Variants in CTNND2 observed in about 807,000 individuals in gnomAD.
CTNND2 encodes the protein catenin delta-2.
Under a neutral mutation model 144.4 loss-of-function variants are expected in CTNND2, and 22 were observed. That is an observed-to-expected ratio of 0.15 (90% CI 0.11 to 0.22). The LOEUF is 0.22. Among genes scored for constraint, CTNND2 ranks in the 10% least tolerant of loss-of-function variants. The pLI, the probability that CTNND2 is intolerant of heterozygous loss-of-function variation, is 1.00. For missense variants in CTNND2, 1,353 were observed against 1,618.8 expected (o/e 0.84, Z 2.82); for synonymous variants, 751 against 695.6 (o/e 1.08, Z -1.25).
intron 7 of CTNND2, among the ~76,000 whole-genome samples, chr5:11,380,564 A>G (rs1315592364): frequency 1.3e-5 from 2 of 152,232 alleles, no homozygotes; most frequent in African/African-American, 2.4e-5. Flanking sequence ...GATAAAAAGC[A>G]GATATGATTT....
At position 11,842,348 on chromosome 5, in the gene CTNND2, T is replaced by C. The variant is rs147934273; in HGVS notation, c.37+61469A>G. On this transcript the variant is annotated intron_variant, in intron 1 of 21. Transcript: ENST00000304623. Reference sequence around the variant, plus strand: ...GTACCAGTAACACAAGCAAATTCTATACTATGGTTTAGAAAACCAAAGTGC... The same window carrying C: ...GTACCAGTAACACAAGCAAATTCTACACTATGGTTTAGAAAACCAAAGTGC... Among the ~76,000 whole-genome samples the C allele has an allele frequency of 3.5e-3, 535 of 152,262 alleles. 1 individual carries two copies. Among genetic ancestry groups the C allele is most frequent in the Middle Eastern group, 6.8e-3 (2 of 294 alleles).
At chr5:11,736,577 A>C (rs1034412896) in intron 1 of CTNND2, among the ~76,000 whole-genome samples, 5 of 152,280 alleles carry the variant, frequency 3.3e-5, no homozygotes, top group Admixed American at 3.3e-4. Flanking sequence ...GGAAACCACA[A>C]AAGACCTGCC....
intron 19 of CTNND2, among the ~76,000 whole-genome samples, chr5:10,990,637 C>A (rs2149497611): frequency 6.6e-6 from 1 of 152,266 alleles, no homozygotes; most frequent in Admixed American, 6.5e-5. Context: ...CAATATTGCC[C>A]AGATGGTGGT....
intron 9 of CTNND2, among the ~76,000 whole-genome samples, chr5:11,282,708 A>C (rs1460357673): frequency 2.0e-5 from 3 of 152,228 alleles, no homozygotes; most frequent in Non-Finnish European, 2.9e-5. Flanking sequence ...GTGGGCTTTC[A>C]TATGTAAACT....
intron 10 of CTNND2, among the ~76,000 whole-genome samples, chr5:11,229,466 C>T (rs145283720): frequency 4.6e-5 from 7 of 152,100 alleles, no homozygotes; most frequent in East Asian, 1.9e-4. Context: ...GGCTACAGCA[C>T]GCTATGATTG....
intron 8 of CTNND2, among the ~76,000 whole-genome samples, chr5:11,361,113 T>C (rs536002749): frequency 6.6e-6 from 1 of 152,254 alleles, no homozygotes; most frequent in Non-Finnish European, 1.5e-5. Context: ...CTCCATCTCC[T>C]GGCTTCAAGT....
chr5:11,901,359 A>C (rs970024579), intron 1 of CTNND2, among the ~76,000 whole-genome samples: 1 of 152,220 alleles, frequency 6.6e-6, no homozygotes, highest in Non-Finnish European at 1.5e-5. Flanking sequence ...CTTCATTTTT[A>C]ATTTTAGAAA....
chr5:11,720,043 T>C (rs1561729143), intron 2 of CTNND2, among the ~76,000 whole-genome samples: 1 of 152,154 alleles, frequency 6.6e-6, no homozygotes, highest in Non-Finnish European at 1.5e-5. Flanking sequence ...TCTCAGCACA[T>C]TTACTGACAA....
intron 16 of CTNND2, among the ~76,000 whole-genome samples, chr5:11,058,056 T>A (rs112714431): frequency 0.2 from 29,693 of 152,140 alleles, 3,434 homozygotes; most frequent in Middle Eastern, 0.29. Context: ...TTTGGTTTTA[T>A]AAGGGAAGCA....
intron 2 of CTNND2, among the ~76,000 whole-genome samples, chr5:11,641,602 ATATACATATACGTG>A (rs1782010305): frequency 1.4e-5 from 2 of 140,324 alleles, no homozygotes; most frequent in Non-Finnish European, 3.0e-5. Context: ...ACGTGTGTGT[ATATACATATACGTG>A]TGTGTATACA....
chr5:11,723,760 A>C (rs13176034), intron 2 of CTNND2, among the ~76,000 whole-genome samples: 25,747 of 152,100 alleles, frequency 0.17, 2,344 homozygotes, highest in East Asian at 0.28. Flanking sequence ...AGTTAGAAAA[A>C]TATTACAGTT....
At chr5:11,089,626 G>A (rs1750552448) in intron 15 of CTNND2, among the ~76,000 whole-genome samples, 1 of 152,152 alleles carries the variant, frequency 6.6e-6, no homozygotes, top group African/African-American at 2.4e-5. Context: ...CTGCACAGAG[G>A]GGAACTATGC....
intron 1 of CTNND2, among the ~76,000 whole-genome samples, chr5:11,787,151 A>G (rs1581884067): frequency 6.6e-6 from 1 of 152,216 alleles, no homozygotes; most frequent in Non-Finnish European, 1.5e-5. Context: ...GATTGGGGAA[A>G]GCAAGTCTTT....
intron 9 of CTNND2, among the ~76,000 whole-genome samples, chr5:11,248,340 C>CATAT (rs70947249): frequency 0.086 from 12,828 of 149,032 alleles, 707 homozygotes; most frequent in South Asian, 0.15. Flanking sequence ...ATTATACATA[C>CATAT]ATATATATAT....
chr5:11,271,884 T>C (rs967515019), intron 9 of CTNND2, among the ~76,000 whole-genome samples: 1 of 152,116 alleles, frequency 6.6e-6, no homozygotes, highest in Non-Finnish European at 1.5e-5. Context: ...CAACTTTTAC[T>C]GGGTAGGATA....
intron 1 of CTNND2, among the ~76,000 whole-genome samples, chr5:11,764,933 G>C (rs1027181936): frequency 1.3e-5 from 2 of 151,962 alleles, no homozygotes; most frequent in Admixed American, 6.6e-5. Flanking sequence ...AAAAAATAAA[G>C]AATATTATCT....
At chr5:11,894,179 G>A (rs1737213606) in intron 1 of CTNND2, among the ~76,000 whole-genome samples, 1 of 150,852 alleles carries the variant, frequency 6.6e-6, no homozygotes, top group Non-Finnish European at 1.5e-5. Context: ...AAGCCTCACA[G>A]GTGCCAGACG....
intron 18 of CTNND2, among the ~76,000 whole-genome samples, chr5:10,995,724 G>A (rs1314439584): frequency 6.6e-6 from 1 of 152,114 alleles, no homozygotes; most frequent in East Asian, 1.9e-4. Flanking sequence ...GAGAGAAAGG[G>A]AAAAATGGCA....
intron 5 of CTNND2, among the ~76,000 whole-genome samples, chr5:11,403,019 A>C (rs1760761928): frequency 2.6e-5 from 4 of 152,062 alleles, no homozygotes; most frequent in Admixed American, 2.6e-4. Flanking sequence ...ACAGTAAGTC[A>C]CTCAACTTTT....
Sources: allele counts gnomAD v4.1 joint callset (sites outside exome capture counted in the v4.1 genomes callset), GRCh38; gene constraint gnomAD v4.1.1; transcripts MANE v1.5; gene names NCBI Gene and HGNC (gene_info 2026-07-23, HGNC 2026-07-21).